The following MAGI2 variants were observed in gnomAD, a reference collection of about 807,000 sequenced individuals.
MAGI2 encodes membrane-associated guanylate kinase, WW and PDZ domain-containing protein 2.
Under a neutral mutation model 133.3 loss-of-function variants are expected in MAGI2, and 35 were observed. The observed-to-expected ratio is 0.26, with a 90% confidence interval of 0.20 to 0.35. MAGI2 has a LOEUF of 0.35. Among genes scored for constraint, MAGI2 ranks in the 10% least tolerant of loss-of-function variants. The pLI, the probability that MAGI2 is intolerant of heterozygous loss-of-function variation, is 1.00. For missense variants in MAGI2, 1,636 were observed against 1,863.4 expected (o/e 0.88, Z 2.25); for synonymous variants, 729 against 710.6 (o/e 1.03, Z -0.41).
At chr7:78,129,328 A>T (rs1486645635) in intron 18 of MAGI2, among the ~76,000 whole-genome samples, 1 of 42,052 alleles carries the variant, frequency 2.4e-5, no homozygotes, top group Middle Eastern at 8.2e-3. Context: ...TAAGGGAAAC[A>T]TACTAAATTT....
intron 1 of MAGI2, among the ~76,000 whole-genome samples, chr7:79,311,286 G>A (rs943399269): frequency 6.6e-6 from 1 of 152,146 alleles, no homozygotes; most frequent in East Asian, 1.9e-4. Flanking sequence ...CTTGGAAGAA[G>A]AATTGTCTTG....
At chr7:78,804,748 C>CAAAAAAAAAAAAAAAAAAAAAAAAA (rs373472835) in intron 2 of MAGI2, among the ~76,000 whole-genome samples, 3 of 97,734 alleles carry the variant, frequency 3.1e-5, no homozygotes, top group African/African-American at 4.7e-5. Flanking sequence ...GACTCTGTCT[C>CAAAAAAAAAAAAAAAAAAAAAAAAA]AAAAAAAAAA....
chr7:79,110,701 G>A (rs76470938), intron 1 of MAGI2, among the ~76,000 whole-genome samples: 1 of 152,272 alleles, frequency 6.6e-6, no homozygotes, highest in African/African-American at 2.4e-5. Context: ...ATTTTGCAGT[G>A]TGAGAAGGAT....
chr7:78,907,520 G>A (rs1222613034), intron 2 of MAGI2, among the ~76,000 whole-genome samples: 1 of 152,120 alleles, frequency 6.6e-6, no homozygotes, highest in Non-Finnish European at 1.5e-5. Flanking sequence ...GGGCAACATA[G>A]TAGCTAAAAT....
chr7:79,258,998 A>G (rs1422048476), intron 1 of MAGI2, among the ~76,000 whole-genome samples: 1 of 152,194 alleles, frequency 6.6e-6, no homozygotes, highest in Non-Finnish European at 1.5e-5. Flanking sequence ...GGCTGCTACA[A>G]AGTAAATCTA....
At chr7:78,405,120 C>T (rs550863249) in intron 6 of MAGI2, among the ~76,000 whole-genome samples, 8 of 152,176 alleles carry the variant, frequency 5.3e-5, no homozygotes, top group African/African-American at 1.4e-4. Context: ...TTTCAGGCAA[C>T]AAATTTGCAT....
At chr7:79,229,099 G>A (rs1392582506) in intron 1 of MAGI2, among the ~76,000 whole-genome samples, 1 of 146,622 alleles carries the variant, frequency 6.8e-6, no homozygotes, top group African/African-American at 2.5e-5. Context: ...TTTTTTTTGA[G>A]CCAAAAATAA....
intron 20 of MAGI2, among the ~76,000 whole-genome samples, chr7:78,099,254 CA>C (rs1254009386): frequency 3.3e-5 from 5 of 152,066 alleles, no homozygotes; most frequent in African/African-American, 1.2e-4. Flanking sequence ...GCATTTTTCT[CA>C]AAGAATTATT....
At chr7:78,853,290 C>T (rs902963893) in intron 2 of MAGI2, among the ~76,000 whole-genome samples, 1 of 145,532 alleles carries the variant, frequency 6.9e-6, no homozygotes, top group Non-Finnish European at 1.5e-5. Flanking sequence ...ATTAACCCAC[C>T]GTGTCTAAGA....
chr7:78,446,358 C>T (rs529156972), intron 6 of MAGI2, among the ~76,000 whole-genome samples: 1 of 152,082 alleles, frequency 6.6e-6, no homozygotes, highest in Admixed American at 6.6e-5. Flanking sequence ...TGATGTGGGA[C>T]TTTCAATGGT....
chr7:78,636,584 G>C (rs555183047), intron 2 of MAGI2, among the ~76,000 whole-genome samples: 2 of 152,096 alleles, frequency 1.3e-5, no homozygotes, highest in African/African-American at 4.8e-5. Flanking sequence ...GGATCGAGAG[G>C]TCAGGAGATA....
chr7:78,815,475 G>C (rs985173858), intron 2 of MAGI2, among the ~76,000 whole-genome samples: 4 of 151,940 alleles, frequency 2.6e-5, no homozygotes, highest in African/African-American at 7.3e-5. Flanking sequence ...CACCATATAG[G>C]CTATCTCATT....
At chr7:79,431,106 C>A (rs1264474657) in intron 1 of MAGI2, among the ~76,000 whole-genome samples, 2 of 152,070 alleles carry the variant, frequency 1.3e-5, no homozygotes, top group Non-Finnish European at 2.9e-5. Flanking sequence ...TGCTGCTAGG[C>A]AAGATGAAAT....
intron 3 of MAGI2, among the ~76,000 whole-genome samples, chr7:78,586,758 C>A (rs574037838): frequency 5.3e-5 from 8 of 152,310 alleles, no homozygotes; most frequent in African/African-American, 1.4e-4. Context: ...GTCCTCACAA[C>A]CACCCTTCTA....
chr7:79,055,027 G>A (rs1365969875), intron 1 of MAGI2, among the ~76,000 whole-genome samples: 1 of 151,952 alleles, frequency 6.6e-6, no homozygotes, highest in Non-Finnish European at 1.5e-5. Flanking sequence ...TCCTGACCTC[G>A]AGGTGATCCA....
rs372400837 is a variant in MAGI2 at position 78,274,438 on chromosome 7, G to A, written c.1409-17857C>T. Among the ~76,000 whole-genome samples, 42 of 152,326 alleles carry A rather than the reference G, an allele frequency of 2.8e-4. No homozygotes were observed. The East Asian group carries it at 7.5e-3, about 27-fold the overall frequency. ...GGTCAGGGACCCACTTGAGGAGGCA[G>A]TCTGTCCCTTAACAGAGCTCAAATG... On this transcript the variant is annotated intron_variant, in intron 9 of 21. Coordinates refer to ENST00000354212, the MANE Select transcript of MAGI2 (RefSeq NM_012301.4).
chr7:78,917,605 A>T (rs1325709061), intron 2 of MAGI2, among the ~76,000 whole-genome samples: 2 of 152,134 alleles, frequency 1.3e-5, no homozygotes, highest in African/African-American at 4.8e-5. Flanking sequence ...AATTGAATTC[A>T]ATCCTGATGC....
chr7:79,444,694 C>G (rs1237802676), intron 1 of MAGI2, among the ~76,000 whole-genome samples: 1 of 152,104 alleles, frequency 6.6e-6, no homozygotes, highest in Non-Finnish European at 1.5e-5. Context: ...ACATTCCATG[C>G]TCATGGGTAG....
intron 2 of MAGI2, among the ~76,000 whole-genome samples, chr7:78,990,937 CACACAG>C (rs1184487274): frequency 2.0e-5 from 3 of 147,432 alleles, no homozygotes; most frequent in East Asian, 4.3e-4. Context: ...CACACACACA[CACACAG>C]AGATATGGTT....
Sources: gnomAD v4.1 joint callset for allele counts (sites outside exome capture counted in the v4.1 genomes callset) on GRCh38, gnomAD v4.1.1 for gene constraint, MANE v1.5 for transcripts, NCBI Gene and HGNC (gene_info 2026-07-23, HGNC 2026-07-21) for gene names.